Variants in WDR19 observed in about 807,000 individuals in gnomAD.
WDR19 encodes WD repeat domain 19, also known as WD repeat-containing protein 19.
WDR19 carries 121 observed loss-of-function variants against 180.0 expected under a neutral mutation model. The ratio of observed to expected loss-of-function variants is 0.67; its 90% CI spans 0.58 to 0.78. The LOEUF (loss-of-function observed/expected upper bound fraction) is 0.78. Ranked by LOEUF, WDR19 falls within the 30% of genes least tolerant of loss-of-function variation. The pLI is 0.00. For synonymous variants in WDR19, 497 were observed against 540.7 expected, an observed-to-expected ratio of 0.92 and a Z score of 1.12; for missense variants, 1,450 against 1,640.7, an observed-to-expected ratio of 0.88 and a Z score of 2.01.
intron 30 of WDR19, among the ~76,000 whole-genome samples, chr4:39,268,928 G>C (rs909307755): frequency 6.6e-6 from 1 of 152,174 alleles, no homozygotes; most frequent in Non-Finnish European, 1.5e-5. Flanking sequence ...CCTGAAGGTT[G>C]GGGTAGGGAG....
chr4:39,265,948 A>G (rs945830697), intron 28 of WDR19, 115 bp from the exon 29 acceptor site: 36 of 843,108 alleles, frequency 4.3e-5, no homozygotes, highest in Middle Eastern at 4.7e-4. Flanking sequence ...GCACTTTACT[A>G]TAGATACTAT....
rs893354683 is a variant in WDR19 at position 39,230,291 on chromosome 4, A to G, written c.1983-1506A>G. 3.3e-5 allele frequency among the ~76,000 whole-genome samples: 5 copies of G among 152,138 alleles called. No individual in the cohort carries two copies. In the South Asian group the frequency reaches 8.3e-4, roughly 25 times the overall value. The stretch of plus-strand genomic sequence containing the variant: ...AATGCCCTTTCCCTGCTCTGAATGT[A>G]GTAACCCCTCTTTCTTTACCCATCA... On this transcript the variant is annotated intron_variant, in intron 17 of 36. Coordinates refer to ENST00000399820, the MANE Select transcript of WDR19 (RefSeq NM_025132.4).
chr4:39,193,814 A>G (rs1726430427), intron 4 of WDR19, among the ~76,000 whole-genome samples: 1 of 152,138 alleles, frequency 6.6e-6, no homozygotes, highest in African/African-American at 2.4e-5. Context: ...TGCCACTTTC[A>G]GAGTTGCTCG....
intron 33 of WDR19, among the ~76,000 whole-genome samples, chr4:39,275,657 G>C (rs150311821): frequency 2.0e-5 from 3 of 152,300 alleles, no homozygotes; most frequent in Non-Finnish European, 4.4e-5. Flanking sequence ...TGTTCAGAAA[G>C]GTACCATCCT....
Position 39,244,470 on chromosome 4 carries a change from C to T in WDR19, c.2563C>T (p.Gln855Ter), listed in dbSNP as rs772599282. 2 of 1,613,926 alleles carry T rather than the reference C, an allele frequency of 1.2e-6. No homozygotes were observed. Among genetic ancestry groups the T allele is most frequent in the Admixed American group, 3.3e-5 (2 of 60,016 alleles). Reference sequence around the variant, plus strand: ...TTTTAATAATCCTGTCTTATTTTAGCAATTTTCAGAAGCGGCCCAACTGTA... The same window carrying T: ...TTTTAATAATCCTGTCTTATTTTAGTAATTTTCAGAAGCGGCCCAACTGTA... ...DCGAILENMK[Q>*]FSEAAQLYEK... Residue 855 changes from glutamine to a stop codon, truncating the protein, a stop_gained and splice_region_variant, in exon 23 of 37, where the codon CAA (glutamine) becomes TAA (stop). Transcript: ENST00000399820. LOFTEE classifies it high-confidence loss of function.
chr4:39,226,627 G>T (rs931141216), intron 15 of WDR19, among the ~76,000 whole-genome samples: 2 of 152,100 alleles, frequency 1.3e-5, no homozygotes, highest in South Asian at 2.1e-4. Flanking sequence ...GTGTGACTTT[G>T]GGCAGATTTC....
intron 19 of WDR19, among the ~76,000 whole-genome samples, chr4:39,232,521 A>G (rs1453412426): frequency 6.6e-6 from 1 of 152,100 alleles, no homozygotes; most frequent in Non-Finnish European, 1.5e-5. Flanking sequence ...GCTACTCAGG[A>G]GGCTGAGACA....
chr4:39,224,325 G>A (rs1194925999), intron 14 of WDR19, among the ~76,000 whole-genome samples: 1 of 152,118 alleles, frequency 6.6e-6, no homozygotes, highest in East Asian at 1.9e-4. Context: ...AAGAATGTTA[G>A]AATTAATAGA....
At chr4:39,273,087 A>ACCCATGCCCCATGC (rs751155919) in intron 32 of WDR19, 26 bp downstream of exon 32, 57 of 1,566,274 alleles carry the variant, frequency 3.6e-5, no homozygotes, top group Non-Finnish European at 5.0e-5. Flanking sequence ...CAGAGCTCTC[A>ACCCATGCCCCATGC]CCCATGCCCC....
intron 23 of WDR19, 139 bp downstream of exon 23, chr4:39,244,691 TCTC>T (rs1195013289): frequency 1.2e-6 from 1 of 812,544 alleles, no homozygotes; most frequent in Non-Finnish European, 1.9e-6. Context: ...TCTCTTTTGT[TCTC>T]CTTAGATAAG....
chr4:39,232,075 C>G, intron 18 of WDR19, 87 bp from the exon 19 acceptor site: 1 of 1,500,474 alleles, frequency 6.7e-7, no homozygotes, highest in African/African-American at 1.4e-5. Flanking sequence ...TAGAACGTTA[C>G]CACTTCCTAC....
chr4:39,257,669 C>CGTA (rs1733894982), intron 28 of WDR19, 115 bp downstream of exon 28: 1 of 889,054 alleles, frequency 1.1e-6, no homozygotes, highest in Admixed American at 2.6e-5. Context: ...CCCTACATAC[C>CGTA]TATCGTGTAA....
intron 31 of WDR19, among the ~76,000 whole-genome samples, chr4:39,272,634 C>T (rs533470976): frequency 6.6e-6 from 1 of 152,372 alleles, no homozygotes; most frequent in African/African-American, 2.4e-5. Flanking sequence ...TTCTCTCTCT[C>T]TCTACCTGAT....
chr4:39,214,650 A>C lies in WDR19; in HGVS notation c.940A>C (p.Asn314His). 2 of 1,587,014 alleles carry C rather than the reference A, an allele frequency of 1.3e-6. No individual in the cohort carries two copies. The highest frequency in any genetic ancestry group is 1.3e-5 in the African/African-American group (1 of 74,316). The part of the protein sequence containing the change: ...VDLKDMYVIL[N>H]LDEENKGLGT... ...CTTAAAAGACATGTATGTTATACTC[A>C]ACCTGGATGAGGAAAATAAAGGTAT... Residue 314 changes from asparagine to histidine, a missense_variant, in exon 10 of 37, where the codon AAC (asparagine) becomes CAC (histidine). Transcript: ENST00000399820.
chr4:39,193,121 A>G (rs925462798), intron 4 of WDR19, among the ~76,000 whole-genome samples: 3 of 151,868 alleles, frequency 2.0e-5, no homozygotes, highest in African/African-American at 7.3e-5. Flanking sequence ...GCAGCCTGGT[A>G]TGTTACTACT....
intron 14 of WDR19, among the ~76,000 whole-genome samples, chr4:39,222,050 G>C (rs1729759397): frequency 6.6e-6 from 1 of 152,138 alleles, no homozygotes; most frequent in Admixed American, 6.5e-5. Context: ...TCAACAGTGT[G>C]TGAGTGTTCC....
chr4:39,285,141 C>G (rs1016572208), intron 36 of WDR19, among the ~76,000 whole-genome samples: 4 of 151,862 alleles, frequency 2.6e-5, no homozygotes, highest in African/African-American at 9.7e-5. Context: ...CTGTTGTTCA[C>G]TGGCGTTTAG....
intron 9 of WDR19, chr4:39,206,112 C>T (rs116250329): frequency 6.3e-6 from 1 of 157,768 alleles, no homozygotes; most frequent in Non-Finnish European, 1.4e-5. Flanking sequence ...AGTGGGGAGT[C>T]TCCCACTTGT....
intron 24 of WDR19, 59 bp downstream of exon 24, chr4:39,245,511 C>G: frequency 6.5e-7 from 1 of 1,532,590 alleles, no homozygotes; most frequent in Non-Finnish European, 8.9e-7. Flanking sequence ...TACAAATTAA[C>G]CATTGATATT....
Sources: allele counts gnomAD v4.1 joint callset (sites outside exome capture counted in the v4.1 genomes callset), GRCh38; gene constraint gnomAD v4.1.1; transcripts MANE v1.5; gene names NCBI Gene and HGNC (gene_info 2026-07-23, HGNC 2026-07-21).